Variants in NR6A1 observed in about 807,000 individuals in gnomAD.
The protein encoded by NR6A1 is nuclear receptor subfamily 6 group A member 1.
Under a neutral mutation model 59.1 loss-of-function variants are expected in NR6A1, and 7 were observed. The observed-to-expected ratio is 0.12, with a 90% confidence interval of 0.07 to 0.22. NR6A1 has a LOEUF of 0.22. Among genes scored for constraint, NR6A1 ranks in the 10% least tolerant of loss-of-function variants. The pLI is 1.00. For missense variants in NR6A1, 468 were observed against 611.6 expected (o/e 0.77, Z 2.48); for synonymous variants, 243 against 236.1 (o/e 1.03, Z -0.27).
chr9:124,736,620 G>A (rs111554740), intron 1 of NR6A1, among the ~76,000 whole-genome samples: 3 of 152,250 alleles, frequency 2.0e-5, no homozygotes, highest in African/African-American at 7.2e-5. Flanking sequence ...GAAGCAGGAG[G>A]ATCGCTTGAG....
At chr9:124,720,913 A>T (rs191117052) in intron 2 of NR6A1, among the ~76,000 whole-genome samples, 9 of 152,330 alleles carry the variant, frequency 5.9e-5, no homozygotes, top group Admixed American at 5.9e-4. Flanking sequence ...AAAGGAAGAG[A>T]AGAATTCCCA....
chr9:124,712,014 A>T (rs1839293460), intron 2 of NR6A1, among the ~76,000 whole-genome samples: 1 of 152,168 alleles, frequency 6.6e-6, no homozygotes, highest in Admixed American at 6.5e-5. Flanking sequence ...TCTTGTTCCG[A>T]GTTTTGCAAG....
At chr9:124,529,966 T>C (rs1015980212) in intron 7 of NR6A1, among the ~76,000 whole-genome samples, 1 of 152,182 alleles carries the variant, frequency 6.6e-6, no homozygotes, top group African/African-American at 2.4e-5. Context: ...GGAGAGGCAG[T>C]GTCAGCATCT....
intron 2 of NR6A1, among the ~76,000 whole-genome samples, chr9:124,702,806 C>G (rs867210470): frequency 6.6e-6 from 1 of 152,026 alleles, no homozygotes; most frequent in Non-Finnish European, 1.5e-5. Flanking sequence ...TCTCCAGAAC[C>G]GTAAGTCAAA....
In NR6A1 at chr9:124,529,284, T is replaced by C. The variant is rs78721235; in HGVS notation, c.1080-2384A>G. On this transcript the variant is annotated intron_variant, in intron 7 of 9. Coordinates refer to ENST00000487099, the MANE Select transcript of NR6A1 (RefSeq NM_033334.4). ...ATTAAGTATTCTACATTTAATCTTA[T>C]TGATATTCCCAATAAATTCACAGAA... is the stretch of plus-strand genomic sequence containing the variant. Among the ~76,000 whole-genome samples the C allele has an allele frequency of 3.7e-3, 558 of 152,356 alleles. 4 individuals carry two copies. Among genetic ancestry groups the C allele is most frequent in the African/African-American group, 0.013 (525 of 41,584 alleles).
chr9:124,770,441 G>A (rs1004133220), intron 1 of NR6A1: 3 of 152,248 alleles, frequency 2.0e-5, no homozygotes, highest in African/African-American at 7.3e-5. Context: ...CTGCAGAAGA[G>A]GAAAACGCTC....
At chr9:124,626,004 C>G (rs1303372067) in intron 2 of NR6A1, among the ~76,000 whole-genome samples, 1 of 152,116 alleles carries the variant, frequency 6.6e-6, no homozygotes, top group African/African-American at 2.4e-5. Flanking sequence ...GATTCTGTGT[C>G]TTTATTCATT....
intron 2 of NR6A1, among the ~76,000 whole-genome samples, chr9:124,680,456 A>G (rs894563728): frequency 2.0e-5 from 3 of 152,234 alleles, no homozygotes; most frequent in Admixed American, 6.5e-5. Context: ...GAAAATACAT[A>G]GTGTTTACAG....
chr9:124,519,791 A>C lies in NR6A1; in HGVS notation c.*2914T>G, dbSNP rs1379100920. 4 of 151,060 alleles carry C rather than the reference A, an allele frequency of 2.6e-5. No homozygotes were observed. Among genetic ancestry groups the C allele is most frequent in the Non-Finnish European group, 5.9e-5 (4 of 67,950 alleles). 9.4% of individuals were successfully genotyped at this position (151,060 alleles called of 1,614,324 possible). On this transcript the variant is annotated 3_prime_UTR_variant, in exon 10 of 10. Transcript: ENST00000487099. ...GTGGCGGGCGCCTGTAGTCCCAGCT[A>C]CTCAGGAGGCTGAGGCAGGAGAATG...
chr9:124,542,502 A>C (rs1423352286), intron 4 of NR6A1, among the ~76,000 whole-genome samples: 1 of 152,112 alleles, frequency 6.6e-6, no homozygotes, highest in African/African-American at 2.4e-5. Flanking sequence ...CTGCACTGCC[A>C]TTGCTCTGCT....
chr9:124,520,791 AC>A lies in NR6A1; in HGVS notation c.*1913del, dbSNP rs1453748263. On this transcript the variant is annotated 3_prime_UTR_variant, in exon 10 of 10. Coordinates refer to ENST00000487099, the MANE Select transcript of NR6A1 (RefSeq NM_033334.4). The stretch of plus-strand genomic sequence containing the variant: ...TAGAAATAAACAGATACACACGAAC[AC>A]ACAAGAATCTTCCCACTGACGTGAA... The A allele has an allele frequency of 2.0e-5, 3 of 152,242 alleles. No individual in the cohort carries two copies. The highest frequency in any genetic ancestry group is 7.2e-5 in the African/African-American group (3 of 41,470). The allele number at this position is 152,242 out of a possible 1,614,324, so 9.4% of individuals were successfully genotyped here.
At chr9:124,681,465 C>T (rs554529733) in intron 2 of NR6A1, among the ~76,000 whole-genome samples, 1 of 151,752 alleles carries the variant, frequency 6.6e-6, no homozygotes, top group East Asian at 1.9e-4. Context: ...CTTCAGCCTC[C>T]TGAGTAGCTG....
chr9:124,733,583 T>A (rs1588839050), intron 1 of NR6A1, among the ~76,000 whole-genome samples: 1 of 152,168 alleles, frequency 6.6e-6, no homozygotes, highest in Admixed American at 6.5e-5. Context: ...TTAAACAAGT[T>A]ACCAAAATAA....
chr9:124,735,015 T>C (rs1169181923), intron 1 of NR6A1, among the ~76,000 whole-genome samples: 1 of 152,172 alleles, frequency 6.6e-6, no homozygotes, highest in Non-Finnish European at 1.5e-5. Context: ...CAGCTAATTT[T>C]TGTATTTCTA....
chr9:124,548,265 G>A (rs1222417425), intron 3 of NR6A1, among the ~76,000 whole-genome samples: 1 of 152,206 alleles, frequency 6.6e-6, no homozygotes, highest in Non-Finnish European at 1.5e-5. Context: ...CAACTTTTCT[G>A]TAAGCTTGAA....
chr9:124,633,270 G>A (rs923996299), intron 2 of NR6A1, among the ~76,000 whole-genome samples: 8 of 151,762 alleles, frequency 5.3e-5, no homozygotes, highest in African/African-American at 1.9e-4. Flanking sequence ...GGGCATGGTG[G>A]CGCGCGCCTG....
At chr9:124,539,861 G>C (rs1473674222) in intron 5 of NR6A1, among the ~76,000 whole-genome samples, 172 bp downstream of exon 5, 3 of 152,182 alleles carry the variant, frequency 2.0e-5, no homozygotes, top group East Asian at 1.9e-4. Flanking sequence ...AGCATAAAAG[G>C]GGCTGGGAAA....
chr9:124,588,942 A>G (rs1362025925), intron 2 of NR6A1, among the ~76,000 whole-genome samples: 1 of 151,394 alleles, frequency 6.6e-6, no homozygotes, highest in African/African-American at 2.4e-5. Flanking sequence ...AAGAAAGAAA[A>G]AAAAAACAGT....
chr9:124,749,422 C>T (rs1263977204), intron 1 of NR6A1, among the ~76,000 whole-genome samples: 2 of 152,166 alleles, frequency 1.3e-5, no homozygotes, highest in African/African-American at 2.4e-5. Context: ...GGGAATAGGA[C>T]CTTTTACTAA....
Sources: allele counts gnomAD v4.1 joint callset (sites outside exome capture counted in the v4.1 genomes callset), GRCh38; gene constraint gnomAD v4.1.1; transcripts MANE v1.5; gene names NCBI Gene and HGNC (gene_info 2026-07-23, HGNC 2026-07-21).